Variants in RAB3IL1 observed in about 807,000 individuals in gnomAD.
RAB3IL1 encodes guanine nucleotide exchange factor for Rab-3A.
A neutral mutation model predicts 49.2 loss-of-function variants in RAB3IL1; 37 were observed. That is an observed-to-expected ratio of 0.75 (90% CI 0.58 to 0.99). RAB3IL1 has a LOEUF of 0.99. Among genes scored for constraint, RAB3IL1 ranks in the 50% least tolerant of loss-of-function variants. The pLI, the probability that RAB3IL1 is intolerant of heterozygous loss-of-function variation, is 0.00. For synonymous variants in RAB3IL1, 193 were observed against 213.9 expected (o/e 0.90, Z 0.85); for missense variants, 484 against 513.0 (o/e 0.94, Z 0.55).
rs534969288 is a variant in RAB3IL1 at position 61,917,545 on chromosome 11, G to A, written c.-178C>T. 9.0e-7 allele frequency: 1 copy of A among 1,107,036 alleles called. No homozygotes were observed. The highest frequency in any genetic ancestry group is 1.1e-6 in the Non-Finnish European group (1 of 909,806). 68.6% of individuals were successfully genotyped at this position (1,107,036 alleles called of 1,614,324 possible). A position where few individuals can be genotyped will look rare whatever the true frequency, so the allele number is the denominator to read the frequency against. ...GGCTCGCGGCCCCCAGCCCAGCCCC[G>A]ACCCTGCCCTGGGCGGGTCACGTGG... On this transcript the variant is annotated 5_prime_UTR_variant, in exon 1 of 10. Coordinates refer to ENST00000394836, the MANE Select transcript of RAB3IL1 (RefSeq NM_013401.4).
chr11:61,914,043 C>A (rs751414488), intron 1 of RAB3IL1, among the ~76,000 whole-genome samples: 2 of 152,046 alleles, frequency 1.3e-5, no homozygotes, highest in South Asian at 4.1e-4. Context: ...GGTTATACAA[C>A]CCCTTCCCAA....
Position 61,904,827 on chromosome 11 carries a change from T to C in RAB3IL1, c.713A>G (p.Asp238Gly). 1 of 1,611,348 alleles carries C rather than the reference T, an allele frequency of 6.2e-7. No individual in the cohort carries two copies. Among genetic ancestry groups the C allele is most frequent in the Non-Finnish European group, 8.5e-7 (1 of 1,178,804 alleles). ...CCTTTCCAGGAAGGGGCAGGTCTTG[T>C]CCAGGGTGGGGGATTCCCTCCAGGC... ...FQAWRESPTL[D>G]KTCPFLERVY... The change falls in exon 6 of 10, where the codon GAC (aspartate) becomes GGC (glycine). Residue 238 changes from aspartate to glycine, a missense_variant. Transcript: ENST00000394836.
At chr11:61,901,003 C>T (rs1324556676) in intron 8 of RAB3IL1, among the ~76,000 whole-genome samples, 2 of 151,900 alleles carry the variant, frequency 1.3e-5, no homozygotes, top group Non-Finnish European at 2.9e-5. Context: ...GTGTGTGGCC[C>T]TGAACACACC....
intron 1 of RAB3IL1, among the ~76,000 whole-genome samples, chr11:61,912,437 G>C (rs1166668099): frequency 6.6e-6 from 1 of 152,234 alleles, no homozygotes; most frequent in Non-Finnish European, 1.5e-5. Context: ...GGCTCCCCTA[G>C]AGAGCGGCCA....
Position 61,906,569 on chromosome 11 carries a change from G to C in RAB3IL1, c.554C>G (p.Pro185Arg). The C allele has an allele frequency of 1.9e-6, 3 of 1,599,170 alleles. No homozygotes were observed. The highest frequency in any genetic ancestry group is 2.6e-6 in the Non-Finnish European group (3 of 1,173,418). ...CTTGTGGCGAGAGTGGCCCTTTCGG[G>C]GCCCGGCCTTGGTGGGGCTCAGCAG... ...PQLLSPTKAG[P>R]RKGHSRHKST... is the part of the protein sequence containing the mutation. Residue 185 changes from proline (P) to arginine (R), a missense_variant, in exon 5 of 10, where the codon CCC becomes CGC. Physicochemically the swap from Pro to Arg is moderately radical, Grantham distance 103. Coordinates refer to ENST00000394836, the MANE Select transcript of RAB3IL1 (RefSeq NM_013401.4). The surrounding 1 kb of genome is among the most constrained non-coding windows in gnomAD (Gnocchi z 4.6).
chr11:61,904,544 A>G lies in RAB3IL1; in HGVS notation c.899+2T>C. 6.2e-7 allele frequency: 1 copy of G among 1,604,810 alleles called. No homozygotes were observed. The highest frequency in any genetic ancestry group is 8.5e-7 in the Non-Finnish European group (1 of 1,175,224). On this transcript the variant is annotated splice_donor_variant, in intron 7 of 9. Coordinates refer to ENST00000394836, the MANE Select transcript of RAB3IL1 (RefSeq NM_013401.4). LOFTEE classifies it high-confidence loss of function. The stretch of plus-strand genomic sequence containing the variant: ...AGGAAGGAGCTAAGACCCTCAGCTT[A>G]CTTGGTGCTGCTACAGTCAACCTCG...
chr11:61,934,444 G>GTGTGTATGTGTA, the RAB3IL1 span, among the ~76,000 whole-genome samples: 9,526 of 81,438 alleles, frequency 0.12, 1,663 homozygotes, highest in Non-Finnish European at 0.14. Context: ...GTGTGTGTGT[G>GTGTGTATGTGTA]TGTATGTATA....
rs966059848 is a variant in RAB3IL1 at position 61,906,351 on chromosome 11, G to A, written c.657+115C>T. ...AGCCCTCACATCCCAGAGAGGCGCA[G>A]GACAGGCTCCAGGTCACACAGCATG... On this transcript the variant is annotated intron_variant, in intron 5 of 9. Transcript: ENST00000394836. This position sits in a 1 kb window ranked among gnomAD's most constrained non-coding sequence, Gnocchi z 4.6. The A allele has an allele frequency of 8.2e-6, 8 of 979,294 alleles. No individual in the cohort carries two copies. Among genetic ancestry groups the A allele is most frequent in the Non-Finnish European group, 1.2e-5 (8 of 646,694 alleles). 60.7% of individuals were successfully genotyped at this position (979,294 alleles called of 1,614,324 possible). A position where few individuals can be genotyped will look rare whatever the true frequency, so the allele number is the denominator to read the frequency against.
chr11:61,918,158 C>T (rs1173160448), upstream of RAB3IL1, among the ~76,000 whole-genome samples: 1 of 152,108 alleles, frequency 6.6e-6, no homozygotes, highest in African/African-American at 2.4e-5. Flanking sequence ...CACCGACACA[C>T]ACACATACAC....
At chr11:61,908,344 G>T in intron 1 of RAB3IL1, 38 bp from the exon 2 acceptor site, 1 of 1,419,706 alleles carries the variant, frequency 7.0e-7, no homozygotes, top group East Asian at 2.6e-5. Flanking sequence ...TTCAGGGTGG[G>T]GTCCTGAGGC....
the RAB3IL1 span, among the ~76,000 whole-genome samples, chr11:61,926,866 T>C: frequency 6.6e-6 from 1 of 151,666 alleles, no homozygotes; most frequent in African/African-American, 2.4e-5. Flanking sequence ...CAGAAAACTT[T>C]TATTTCATCA....
intron 8 of RAB3IL1, among the ~76,000 whole-genome samples, chr11:61,900,073 C>G (rs575610149): frequency 6.6e-6 from 1 of 152,230 alleles, no homozygotes; most frequent in Non-Finnish European, 1.5e-5. Flanking sequence ...GAGGTGCCCC[C>G]CTCTGTACTC....
chr11:61,944,089 C>T, the RAB3IL1 span, among the ~76,000 whole-genome samples: 1 of 151,852 alleles, frequency 6.6e-6, no homozygotes, highest in African/African-American at 2.4e-5. Flanking sequence ...TTCCTCCCTC[C>T]TTCAAAATAA....
intron 1 of RAB3IL1, 23 bp downstream of exon 1, chr11:61,917,334 A>C: frequency 2.3e-6 from 3 of 1,316,896 alleles, no homozygotes; most frequent in Non-Finnish European, 2.9e-6. Flanking sequence ...CCAGCGCGGG[A>C]CCGCGAGCGC....
chr11:61,915,566 G>A (rs1939642028), intron 1 of RAB3IL1, among the ~76,000 whole-genome samples: 1 of 152,154 alleles, frequency 6.6e-6, no homozygotes, highest in Non-Finnish European at 1.5e-5. Context: ...GCCGGCACAA[G>A]ACACAGGCTT....
chr11:61,931,736 C>A, the RAB3IL1 span, among the ~76,000 whole-genome samples: 1 of 152,072 alleles, frequency 6.6e-6, no homozygotes, highest in Non-Finnish European at 1.5e-5. Flanking sequence ...AAATAATAAC[C>A]TGATTCTATG....
chr11:61,928,316 C>G, the RAB3IL1 span, among the ~76,000 whole-genome samples: 1 of 152,118 alleles, frequency 6.6e-6, no homozygotes, highest in Non-Finnish European at 1.5e-5. Flanking sequence ...AGGTTGGGGA[C>G]ATGAATGTGG....
intron 1 of RAB3IL1, among the ~76,000 whole-genome samples, chr11:61,914,492 C>T (rs1055428867): frequency 5.3e-5 from 8 of 152,334 alleles, no homozygotes; most frequent in South Asian, 2.1e-4. Flanking sequence ...GTCCTCACCT[C>T]GTCACCTTGG....
chr11:61,934,504 T>C, the RAB3IL1 span, among the ~76,000 whole-genome samples: 41 of 123,276 alleles, frequency 3.3e-4, no homozygotes, highest in Middle Eastern at 4.5e-3. Context: ...ATTCTATGCC[T>C]AAAGAAAAGG....
Sources: gnomAD v4.1 joint callset for allele counts (sites outside exome capture counted in the v4.1 genomes callset) on GRCh38, gnomAD v4.1.1 for gene constraint, Gnocchi (gnomAD v3.1) non-coding constraint, MANE v1.5 for transcripts, NCBI Gene and HGNC (gene_info 2026-07-23, HGNC 2026-07-21) for gene names.